Variants in RNF19A observed in about 807,000 individuals in gnomAD.
RNF19A encodes ring finger protein 19A, RBR E3 ubiquitin protein ligase.
In RNF19A, 32 loss-of-function variants were observed where a neutral mutation model predicts 75.7. The ratio of observed to expected loss-of-function variants is 0.42; its 90% confidence interval spans 0.32 to 0.57. The LOEUF is 0.57. RNF19A is among the 20% of genes least tolerant of loss of function. The pLI, the probability that RNF19A is intolerant of heterozygous loss-of-function variation, is 0.10. For synonymous variants in RNF19A, 335 were observed against 345.2 expected (o/e 0.97, Z 0.33); for missense variants, 782 against 1,036.3 (o/e 0.75, Z 3.37).
chr8:100,294,612 CT>C (rs10718550), intron 1 of RNF19A, among the ~76,000 whole-genome samples: 107,267 of 151,868 alleles, frequency 0.71, 39,329 homozygotes, highest in African/African-American at 0.92. Context: ...CAGTAAGACT[CT>C]TGATTTTCTG....
At chr8:100,327,762 G>C (rs1283175293) in intron 1 of RNF19A, among the ~76,000 whole-genome samples, 1 of 152,160 alleles carries the variant, frequency 6.6e-6, no homozygotes, top group Non-Finnish European at 1.5e-5. Context: ...CACAAAAAGG[G>C]CATCACACAA....
intron 1 of RNF19A, among the ~76,000 whole-genome samples, chr8:100,319,815 C>A (rs1822438894): frequency 6.7e-6 from 1 of 150,226 alleles, no homozygotes; most frequent in African/African-American, 2.5e-5. Flanking sequence ...CAGGCGTGAG[C>A]CACCGCGTCC....
In RNF19A at chr8:100,275,591, C is replaced by T. The variant is rs1820469413; in HGVS notation, c.675-430G>A. ...AAGTAGGATACCAAATTGCATTTAG[C>T]CTAATCTCAATTTTATAAAAAACCA... On this transcript the variant is annotated intron_variant, in intron 2 of 9. Transcript: ENST00000341084. The surrounding 1 kb of genome is among the most constrained non-coding windows in gnomAD (Gnocchi z 4.3). Among the ~76,000 whole-genome samples the T allele has an allele frequency of 2.6e-5, 4 of 151,616 alleles. No homozygotes were observed. The South Asian group carries it at 8.3e-4, about 32-fold the overall frequency.
chr8:100,302,703 A>G (rs1821889584), intron 1 of RNF19A, among the ~76,000 whole-genome samples: 1 of 152,204 alleles, frequency 6.6e-6, no homozygotes, highest in South Asian at 2.1e-4. Flanking sequence ...AGGGGAGAAG[A>G]GGCGAATCCA....
At chr8:100,292,209 A>T (rs1478924325) in intron 1 of RNF19A, among the ~76,000 whole-genome samples, 2 of 152,058 alleles carry the variant, frequency 1.3e-5, no homozygotes, top group South Asian at 2.1e-4. Context: ...AATAAAGAAT[A>T]AAAAAAACAA....
chr8:100,297,281 G>A (rs936910690), intron 1 of RNF19A, among the ~76,000 whole-genome samples: 5 of 152,092 alleles, frequency 3.3e-5, no homozygotes, highest in African/African-American at 1.2e-4. Context: ...GTCCTTAGAC[G>A]CGTGAGCACA....
chr8:100,317,442 A>G lies in RNF19A; in HGVS notation c.-242-4070T>C, dbSNP rs1822400676. Among the ~76,000 whole-genome samples, 1 of 152,246 alleles carries G rather than the reference A, an allele frequency of 6.6e-6. No homozygotes were observed. Among genetic ancestry groups the G allele is most frequent in the South Asian group, 2.1e-4 (1 of 4,836 alleles). ...GGCCCTTCAGAGAGTGCCAGGGGAA[A>G]GGAAATTGTTTCTTCCTCTTCATGG... On this transcript the variant is annotated intron_variant, in intron 1 of 3. Transcript: ENST00000519527. This position sits in a 1 kb window ranked among gnomAD's most constrained non-coding sequence, Gnocchi z 4.3.
chr8:100,328,091 A>T lies in RNF19A; in HGVS notation c.-243+8017T>A, dbSNP rs1300939995. Among the ~76,000 whole-genome samples, 2 of 152,140 alleles carry T rather than the reference A, an allele frequency of 1.3e-5. 1 individual carries two copies. The highest frequency in any genetic ancestry group is 2.9e-5 in the Non-Finnish European group (2 of 68,030). ...CATGCATTATGGGAGGCGAGATGAAAGGGCAGGTGGTATCTACATCCCCCC... is the reference window on the plus strand; with the variant it reads ...CATGCATTATGGGAGGCGAGATGAATGGGCAGGTGGTATCTACATCCCCCC... On this transcript the variant is annotated intron_variant, in intron 1 of 3. Transcript: ENST00000519527.
chr8:100,317,194 A>C lies in RNF19A; in HGVS notation c.-242-3822T>G, dbSNP rs1428109754. Among the ~76,000 whole-genome samples, 1 of 131,104 alleles carries C rather than the reference A, an allele frequency of 7.6e-6. No homozygotes were observed. Among genetic ancestry groups the C allele is most frequent in the African/African-American group, 2.6e-5 (1 of 38,234 alleles). The allele number at this position is 131,104 out of a possible 152,430, so 86.0% of individuals were successfully genotyped here. A position where few individuals can be genotyped will look rare whatever the true frequency, so the allele number is the denominator to read the frequency against. On this transcript the variant is annotated intron_variant, in intron 1 of 3. Transcript: ENST00000519527. This position sits in a 1 kb window ranked among gnomAD's most constrained non-coding sequence, Gnocchi z 4.3. ...TCCGCACCTCCCTGCAAGCTGAGGG[A>C]GTGGGCTCCAGCCTTGGCCAGCCCA... is the stretch of plus-strand genomic sequence containing the variant.
rs552615503 is a variant in RNF19A at position 100,261,103 on chromosome 8, C to CTT, written c.1682+437_1682+438dup. Among the ~76,000 whole-genome samples, 1 of 146,244 alleles carries CTT rather than the reference C, an allele frequency of 6.8e-6. No homozygotes were observed. Among genetic ancestry groups the CTT allele is most frequent in the South Asian group, 2.2e-4 (1 of 4,632 alleles). On this transcript the variant is annotated intron_variant, in intron 8 of 9. Coordinates refer to ENST00000341084, the MANE Select transcript of RNF19A (RefSeq NM_183419.4). The surrounding 1 kb of genome is among the most constrained non-coding windows in gnomAD (Gnocchi z 4.4). ...CTTAGAAATCTACCACCAAATTTTTCTTTTTTTTTTTGAGACAGGGTCTCA... is the reference window on the plus strand; with the variant it reads ...CTTAGAAATCTACCACCAAATTTTTCTTTTTTTTTTTTTGAGACAGGGTCTCA...
Position 100,332,650 on chromosome 8 carries a change from C to T in RNF19A, c.-243+3458G>A, listed in dbSNP as rs1185561131. 6.6e-6 allele frequency among the ~76,000 whole-genome samples: 1 copy of T among 152,166 alleles called. No homozygotes were observed. Among genetic ancestry groups the T allele is most frequent in the African/African-American group, 2.4e-5 (1 of 41,438 alleles). ...GTATGCATTGCCTATTTTCCAACAT[C>T]CTCTTTAACAAAGTGTATTATTAAA... On this transcript the variant is annotated intron_variant, in intron 1 of 3. Coordinates refer to the RNF19A transcript ENST00000519527. This position sits in a 1 kb window ranked among gnomAD's most constrained non-coding sequence, Gnocchi z 4.8.
chr8:100,314,286 T>C (rs1179465616), upstream of RNF19A, among the ~76,000 whole-genome samples: 1 of 152,190 alleles, frequency 6.6e-6, no homozygotes, highest in Non-Finnish European at 1.5e-5. This position sits in a 1 kb window ranked among gnomAD's most constrained non-coding sequence, Gnocchi z 4.1. Context: ...TGAGTACATA[T>C]ACTATATGAC....
In RNF19A at chr8:100,257,892, C is replaced by T; in HGVS notation, c.*664G>A. ...TCATATGCTTAATTACTTACCTTTA[C>T]ATTTTTTCCTCTAAGATGGCATCAA... On this transcript the variant is annotated 3_prime_UTR_variant, in exon 10 of 10. Transcript: ENST00000341084. The T allele has an allele frequency of 2.5e-6, 1 of 397,330 alleles. No individual in the cohort carries two copies. 24.6% of individuals were successfully genotyped at this position (397,330 alleles called of 1,614,324 possible).
At chr8:100,327,934 T>C (rs1303604876) in intron 1 of RNF19A, among the ~76,000 whole-genome samples, 1 of 152,182 alleles carries the variant, frequency 6.6e-6, no homozygotes, top group Non-Finnish European at 1.5e-5. Context: ...ATTGCAGAGA[T>C]TTGTGAGAAA....
At position 100,317,726 on chromosome 8, in the gene RNF19A, C is replaced by T. The variant is rs1191316911; in HGVS notation, c.-242-4354G>A. Among the ~76,000 whole-genome samples, 1 of 152,156 alleles carries T rather than the reference C, an allele frequency of 6.6e-6. No individual in the cohort carries two copies. Among genetic ancestry groups the T allele is most frequent in the East Asian group, 1.9e-4 (1 of 5,194 alleles). ...TGTTTGACAGGATGAGGTTGGCTCACGAGGTCTAGAGTGGCAGGATGCACT... is the reference window on the plus strand; with the variant it reads ...TGTTTGACAGGATGAGGTTGGCTCATGAGGTCTAGAGTGGCAGGATGCACT... On this transcript the variant is annotated intron_variant, in intron 1 of 3. Coordinates refer to the RNF19A transcript ENST00000519527. This position sits in a 1 kb window ranked among gnomAD's most constrained non-coding sequence, Gnocchi z 4.3.
intron 1 of RNF19A, among the ~76,000 whole-genome samples, chr8:100,290,848 C>A (rs1821260714): frequency 6.6e-6 from 1 of 152,140 alleles, no homozygotes; most frequent in Non-Finnish European, 1.5e-5. Flanking sequence ...GTAGTGAATA[C>A]TGGAGGCATT....
intron 5 of RNF19A, among the ~76,000 whole-genome samples, chr8:100,265,280 A>AT (rs896097973): frequency 2.0e-5 from 3 of 152,098 alleles, no homozygotes; most frequent in East Asian, 1.9e-4. Flanking sequence ...AAACAGTATT[A>AT]TTTTTTTCTC....
rs965611195 is a variant in RNF19A at position 100,323,597 on chromosome 8, C to T, written c.-242-10225G>A. ...ACGGCTCCAGTTTTTAAAATTTCAT[C>T]TACCTTTGCCAGGGGAATCCCATTA... On this transcript the variant is annotated intron_variant, in intron 1 of 3. Coordinates refer to the RNF19A transcript ENST00000519527. This position sits in a 1 kb window ranked among gnomAD's most constrained non-coding sequence, Gnocchi z 4.6. Among the ~76,000 whole-genome samples, 1 of 152,240 alleles carries T rather than the reference C, an allele frequency of 6.6e-6. No individual in the cohort carries two copies. The highest frequency in any genetic ancestry group is 2.4e-5 in the African/African-American group (1 of 41,468).
intron 1 of RNF19A, among the ~76,000 whole-genome samples, chr8:100,303,626 C>T (rs1821937634): frequency 6.6e-6 from 1 of 151,994 alleles, no homozygotes; most frequent in Non-Finnish European, 1.5e-5. Context: ...AACGTTTGTG[C>T]ATAATTTTAA....
Sources: allele counts gnomAD v4.1 joint callset (sites outside exome capture counted in the v4.1 genomes callset), GRCh38; gene constraint gnomAD v4.1.1; non-coding constraint Gnocchi (gnomAD v3.1); transcripts MANE v1.5; gene names NCBI Gene and HGNC (gene_info 2026-07-23, HGNC 2026-07-21).